The following TMPRSS6 variants were observed in gnomAD, a reference collection of about 807,000 sequenced individuals.
TMPRSS6 encodes the protein transmembrane protease serine 6.
TMPRSS6 carries 67 observed loss-of-function variants against 101.5 expected under a neutral mutation model. The observed-to-expected ratio is 0.66, with a 90% confidence interval of 0.54 to 0.81. The LOEUF (loss-of-function observed/expected upper bound fraction) is 0.81, where lower values mean the gene tolerates loss of function less well. TMPRSS6 is among the 30% of genes least tolerant of loss of function. The pLI is 0.00. For synonymous variants in TMPRSS6, 453 were observed against 464.9 expected (o/e 0.97, Z 0.33); for missense variants, 1,034 against 1,088.7 (o/e 0.95, Z 0.71).
intron 11 of TMPRSS6, 74 bp from the exon 12 acceptor site, chr22:37,074,782 GAC>G: frequency 6.8e-7 from 1 of 1,473,364 alleles, no homozygotes; most frequent in Non-Finnish European, 9.4e-7. Flanking sequence ...GGCGCACAAA[GAC>G]ACGCATGCAC....
intron 11 of TMPRSS6, 85 bp from the exon 12 acceptor site, chr22:37,074,793 A>G: frequency 7.2e-7 from 1 of 1,395,316 alleles, no homozygotes; most frequent in Non-Finnish European, 1.0e-6. Flanking sequence ...ACACGCATGC[A>G]CCTGTTCACT....
chr22:37,102,231 T>C (rs1178861920), intron 2 of TMPRSS6, among the ~76,000 whole-genome samples: 2 of 152,262 alleles, frequency 1.3e-5, no homozygotes, highest in Non-Finnish European at 2.9e-5. Flanking sequence ...TTGTCCCTCC[T>C]GTGGCTTCCC....
chr22:37,081,520 C>A (rs1406704016), intron 10 of TMPRSS6, among the ~76,000 whole-genome samples: 1 of 152,186 alleles, frequency 6.6e-6, no homozygotes, highest in African/African-American at 2.4e-5. Context: ...AAGATTGGGG[C>A]CCTGGGCTGG....
At chr22:37,094,381 T>TGATATA (rs1555891520) in intron 6 of TMPRSS6, among the ~76,000 whole-genome samples, 1 of 130,940 alleles carries the variant, frequency 7.6e-6, no homozygotes, top group Admixed American at 7.5e-5. Flanking sequence ...TAATGATTGA[T>TGATATA]GATAGATAGA....
intron 10 of TMPRSS6, among the ~76,000 whole-genome samples, chr22:37,081,521 C>G (rs140765551): frequency 5.2e-4 from 79 of 152,258 alleles, no homozygotes; most frequent in African/African-American, 1.8e-3. Context: ...AGATTGGGGC[C>G]CTGGGCTGGC....
intron 13 of TMPRSS6, among the ~76,000 whole-genome samples, chr22:37,072,251 TG>T (rs1927043389): frequency 7.8e-6 from 1 of 128,028 alleles, no homozygotes; most frequent in African/African-American, 3.3e-5. Context: ...GGATGGATGA[TG>T]GATGGATGGA....
chr22:37,106,254 T>C (rs1394040033), intron 1 of TMPRSS6, among the ~76,000 whole-genome samples: 2 of 152,010 alleles, frequency 1.3e-5, no homozygotes, highest in Non-Finnish European at 2.9e-5. Context: ...AGTGACGCCC[T>C]GATCACTGAG....
intron 9 of TMPRSS6, 45 bp downstream of exon 9, chr22:37,084,682 G>T: frequency 6.8e-7 from 1 of 1,477,546 alleles, no homozygotes; most frequent in Non-Finnish European, 9.2e-7. Flanking sequence ...GACCTGTAGT[G>T]TGCTTGCGGC....
intron 16 of TMPRSS6, among the ~76,000 whole-genome samples, chr22:37,067,423 C>T (rs1447914862): frequency 1.3e-5 from 2 of 152,054 alleles, no homozygotes; most frequent in Non-Finnish European, 2.9e-5. Context: ...GCCGAGATCG[C>T]GCCATTGCAC....
chr22:37,080,171 C>T (rs1928151396), intron 10 of TMPRSS6: 1 of 152,254 alleles, frequency 6.6e-6, no homozygotes, highest in Non-Finnish European at 1.5e-5. Context: ...ATCTCACGGG[C>T]CAAGTCCCTC....
At chr22:37,095,067 G>A (rs993456293) in intron 6 of TMPRSS6, among the ~76,000 whole-genome samples, 1 of 152,226 alleles carries the variant, frequency 6.6e-6, no homozygotes, top group African/African-American at 2.4e-5. Context: ...GGGAGGGAGG[G>A]CTGATGAGCC....
rs983950134 is a variant in TMPRSS6, at chr22:37,109,486, T to G, written c.-2+17A>C. On this transcript the variant is annotated intron_variant, in intron 1 of 17. Coordinates refer to ENST00000676104, the MANE Select transcript of TMPRSS6 (RefSeq NM_001374504.1). Reference sequence around the variant, plus strand: ...ATTTATAGATCCCGGTCCCCTGTCCTGGAGGCCCCCGCTTACCTTTGGGAG... The same window carrying G: ...ATTTATAGATCCCGGTCCCCTGTCCGGGAGGCCCCCGCTTACCTTTGGGAG... 1 of 152,518 alleles carries G rather than the reference T, an allele frequency of 6.6e-6. No individual in the cohort carries two copies. The highest frequency in any genetic ancestry group is 2.4e-5 in the African/African-American group (1 of 41,454). 9.4% of individuals were successfully genotyped at this position (152,518 alleles called of 1,614,324 possible).
Position 37,069,164 on chromosome 22 carries a change from G to A in TMPRSS6, c.2022C>T (p.Ala674=), listed in dbSNP as rs1285080716. The A allele has an allele frequency of 6.3e-7, 1 of 1,583,208 alleles. No homozygotes were observed. The change falls in exon 16 of 18, where the codon GCC becomes GCT. Residue 674 remains alanine (A), a synonymous_variant. Transcript: ENST00000676104. The surrounding 1 kb of genome is among the most constrained non-coding windows in gnomAD (Gnocchi z 4.8). ...QLDHPVVRSA[A]VRPVCLPARS... The stretch of plus-strand genomic sequence containing the variant: ...GCGCGGGCAGGCAGACGGGGCGCAC[G>A]GCGGCCGAGCGCACCACCGGGTGGT...
intron 17 of TMPRSS6, 48 bp from the exon 18 acceptor site, chr22:37,066,286 C>A: frequency 6.5e-7 from 1 of 1,535,998 alleles, no homozygotes; most frequent in Non-Finnish European, 8.8e-7. Context: ...AGGGCACCCC[C>A]TTTTCCAGGT....
rs1030191839 is a variant in TMPRSS6 at position 37,065,747 on chromosome 22, C to T, written c.*333G>A. Reference sequence around the variant, plus strand: ...AGTGGGGCGCACCTCAGACACTCCTCGGGATGTAGAACCAGCATTCTTGCT... The same window carrying T: ...AGTGGGGCGCACCTCAGACACTCCTTGGGATGTAGAACCAGCATTCTTGCT... On this transcript the variant is annotated 3_prime_UTR_variant, in exon 18 of 18. Transcript: ENST00000676104. The T allele has an allele frequency of 1.3e-5, 5 of 392,440 alleles. No individual in the cohort carries two copies. The highest frequency in any genetic ancestry group is 5.4e-5 in the East Asian group (1 of 18,518). 24.3% of individuals were successfully genotyped at this position (392,440 alleles called of 1,614,324 possible).
At chr22:37,104,995 C>T (rs1391613560) in intron 1 of TMPRSS6, among the ~76,000 whole-genome samples, 1 of 151,796 alleles carries the variant, frequency 6.6e-6, no homozygotes, top group East Asian at 1.9e-4. Flanking sequence ...AAATAAAATG[C>T]ACCCCAGATG....
intron 10 of TMPRSS6, among the ~76,000 whole-genome samples, chr22:37,083,463 C>T (rs1183521762): frequency 2.0e-5 from 3 of 152,214 alleles, no homozygotes. Context: ...GAACCTCTCC[C>T]GTCTTAAATG....
At chr22:37,088,648 C>T in intron 7 of TMPRSS6, among the ~76,000 whole-genome samples, 1 of 152,098 alleles carries the variant, frequency 6.6e-6, no homozygotes, top group Non-Finnish European at 1.5e-5. Flanking sequence ...TTCTGTACTC[C>T]ACTCCATATC....
chr22:37,089,803 C>G, intron 6 of TMPRSS6, 21 bp from the exon 7 acceptor site: 1 of 1,605,494 alleles, frequency 6.2e-7, no homozygotes, highest in South Asian at 1.1e-5. Flanking sequence ...GAGAGGGGCA[C>G]AGCCCCTGAT....
Sources: allele counts gnomAD v4.1 joint callset (sites outside exome capture counted in the v4.1 genomes callset), GRCh38; gene constraint gnomAD v4.1.1; non-coding constraint Gnocchi (gnomAD v3.1); transcripts MANE v1.5; gene names NCBI Gene and HGNC (gene_info 2026-07-23, HGNC 2026-07-21).